The following POP1 variants were observed in gnomAD, a reference collection of about 807,000 sequenced individuals.
The protein encoded by POP1 is POP1 ribonuclease P/MRP subunit, also known as ribonucleases P/MRP protein subunit POP1.
Under a neutral mutation model 102.2 loss-of-function variants are expected in POP1, and 75 were observed. The observed-to-expected ratio is 0.73, with a 90% CI of 0.61 to 0.89. The LOEUF (loss-of-function observed/expected upper bound fraction) is 0.89, where lower values mean the gene tolerates loss of function less well. POP1 is among the 40% of genes least tolerant of loss of function. The pLI is 0.00. For missense variants in POP1, 1,116 were observed against 1,267.4 expected (o/e 0.88, Z 1.81); for synonymous variants, 436 against 464.1 (o/e 0.94, Z 0.78).
intron 3 of POP1, among the ~76,000 whole-genome samples, chr8:98,128,022 C>T (rs998655490): frequency 3.3e-5 from 5 of 152,138 alleles, no homozygotes; most frequent in African/African-American, 1.2e-4. Context: ...TTTGTCTTAG[C>T]CCCCGTGCCC....
intron 15 of POP1, among the ~76,000 whole-genome samples, chr8:98,157,119 C>T (rs991317170): frequency 1.3e-5 from 2 of 152,016 alleles, no homozygotes; most frequent in South Asian, 2.1e-4. Flanking sequence ...TCAGGTGACC[C>T]GCCCACCTCA....
rs886902307 is a variant in POP1 at position 98,159,213 on chromosome 8, A to G, written c.*942A>G. ...TATTTTCTAAATACTTGTGATTCCT[A>G]AAGTTCTCTTACAAGGAGCCCTTTG... On this transcript the variant is annotated 3_prime_UTR_variant, in exon 16 of 16. Coordinates refer to ENST00000401707, the MANE Select transcript of POP1 (RefSeq NM_001145860.2). 5 of 152,228 alleles carry G rather than the reference A, an allele frequency of 3.3e-5. No homozygotes were observed. Among genetic ancestry groups the G allele is most frequent in the Non-Finnish European group, 7.3e-5 (5 of 68,052 alleles). 9.4% of individuals were successfully genotyped at this position (152,228 alleles called of 1,614,324 possible).
At chr8:98,119,469 A>T (rs1815949855) in intron 1 of POP1, among the ~76,000 whole-genome samples, 1 of 152,214 alleles carries the variant, frequency 6.6e-6, no homozygotes, top group Non-Finnish European at 1.5e-5. Context: ...TATCCATTTT[A>T]TTTGAAGATT....
Position 98,156,241 on chromosome 8 carries a change from A to C in POP1, c.2249A>C (p.Lys750Thr). ...GAGGTGCCTTGTGCTCCCATGCCTAAAAAAACTCATCAGCCATCTGATGAA... is the reference window on the plus strand; with the variant it reads ...GAGGTGCCTTGTGCTCCCATGCCTACAAAAACTCATCAGCCATCTGATGAA... ...RSEVPCAPMPKKTHQPSDEVG... is the reference protein window; with the variant it reads ...RSEVPCAPMPTKTHQPSDEVG... Residue 750 changes from lysine (K) to threonine (T), a missense_variant, in exon 15 of 16, where the codon AAA (lysine) becomes ACA (threonine). Physicochemically the swap from Lys to Thr is moderately conservative, Grantham distance 78. Transcript: ENST00000401707. 2 of 1,614,014 alleles carry C rather than the reference A, an allele frequency of 1.2e-6. No homozygotes were observed. The highest frequency in any genetic ancestry group is 1.7e-6 in the Non-Finnish European group (2 of 1,179,994).
In POP1 at chr8:98,140,048, G is replaced by A. The variant is rs201091892; in HGVS notation, c.1363-30G>A. ...AATTATGAAGGTGGATTCATTGTTCGTCCAGTGAATAGTAGTTGTTATTTT... is the reference window on the plus strand; with the variant it reads ...AATTATGAAGGTGGATTCATTGTTCATCCAGTGAATAGTAGTTGTTATTTT... On this transcript the variant is annotated intron_variant, in intron 9 of 15. Transcript: ENST00000401707. 3.9e-4 allele frequency: 606 copies of A among 1,536,514 alleles called. 2 individuals carry two copies. In the African/African-American group the frequency reaches 7.4e-3, roughly 19 times the overall value.
chr8:98,153,787 C>T (rs979137706), intron 14 of POP1, among the ~76,000 whole-genome samples: 3 of 152,250 alleles, frequency 2.0e-5, no homozygotes, highest in Non-Finnish European at 2.9e-5. Context: ...CTGCCTGTCT[C>T]GGCCTCCCAA....
At chr8:98,149,096 C>A in intron 13 of POP1, 90 bp downstream of exon 13, 1 of 1,271,632 alleles carries the variant, frequency 7.9e-7, no homozygotes. Flanking sequence ...ACTTTATGTA[C>A]AACTTAGGAG....
intron 14 of POP1, among the ~76,000 whole-genome samples, chr8:98,152,591 ATAT>A (rs144991236): frequency 0.044 from 6,661 of 152,298 alleles, 189 homozygotes; most frequent in Middle Eastern, 0.17. Flanking sequence ...GTGTCGTGAA[ATAT>A]TATTCTTTTG....
chr8:98,125,549 C>CT (rs749890251), intron 2 of POP1, among the ~76,000 whole-genome samples: 34 of 149,016 alleles, frequency 2.3e-4, no homozygotes, highest in Non-Finnish European at 4.3e-4. Context: ...GAAATGTTGC[C>CT]TTTTTTTTGG....
chr8:98,156,263 T>A lies in POP1; in HGVS notation c.2271T>A (p.Asp757Glu), dbSNP rs1809644674. 2 of 1,614,058 alleles carry A rather than the reference T, an allele frequency of 1.2e-6. No homozygotes were observed. Among genetic ancestry groups the A allele is most frequent in the South Asian group, 1.1e-5 (1 of 91,066 alleles). The change falls in exon 15 of 16, where the codon GAT (aspartate) becomes GAA (glutamate). Residue 757 changes from aspartate to glutamate, a missense_variant. Asp to Glu is a conservative substitution (Grantham distance 45). Transcript: ENST00000401707. ...CTAAAAAAACTCATCAGCCATCTGA[T>A]GAAGTGGGCACATCCATAGAGCACC... ...PMPKKTHQPS[D>E]EVGTSIEHPR...
At chr8:98,123,605 C>G (rs183834009) in intron 2 of POP1, 126 bp downstream of exon 2, 6 of 763,052 alleles carry the variant, frequency 7.9e-6, no homozygotes, top group South Asian at 1.5e-5. Context: ...GGTGAAACCC[C>G]GTCTCTACTA....
rs1304315989 is a variant in POP1, at chr8:98,159,052, A to G, written c.*781A>G. Reference sequence around the variant, plus strand: ...TATGATATGTGTCACCTAAAAAAGTAAGAGATTCCAAGGTCAGGTTGATAT... The same window carrying G: ...TATGATATGTGTCACCTAAAAAAGTGAGAGATTCCAAGGTCAGGTTGATAT... On this transcript the variant is annotated 3_prime_UTR_variant, in exon 16 of 16. Coordinates refer to ENST00000401707, the MANE Select transcript of POP1 (RefSeq NM_001145860.2). 1 of 152,192 alleles carries G rather than the reference A, an allele frequency of 6.6e-6. No individual in the cohort carries two copies. The highest frequency in any genetic ancestry group is 1.9e-4 in the East Asian group (1 of 5,202). 9.4% of individuals were successfully genotyped at this position (152,192 alleles called of 1,614,324 possible). A position where few individuals can be genotyped will look rare whatever the true frequency, so the allele number is the denominator to read the frequency against.
chr8:98,153,362 C>T (rs983849191), intron 14 of POP1, among the ~76,000 whole-genome samples: 1 of 151,854 alleles, frequency 6.6e-6, no homozygotes, highest in Non-Finnish European at 1.5e-5. Flanking sequence ...AGAGCGAAGT[C>T]CTTGGACAAG....
At chr8:98,129,198 A>G (rs934378169) in intron 4 of POP1, among the ~76,000 whole-genome samples, 2 of 152,176 alleles carry the variant, frequency 1.3e-5, no homozygotes, top group Non-Finnish European at 2.9e-5. Flanking sequence ...TGGGGTAGGA[A>G]GGTTAAAAAA....
At chr8:98,128,620 T>C (rs1202253915) in intron 4 of POP1, 80 bp downstream of exon 4, 1 of 1,517,452 alleles carries the variant, frequency 6.6e-7, no homozygotes, top group Non-Finnish European at 9.0e-7. Context: ...ATAGAATTTA[T>C]TAAAAATGAA....
chr8:98,140,725 A>G, intron 10 of POP1, 44 bp from the exon 11 acceptor site: 1 of 1,595,034 alleles, frequency 6.3e-7, no homozygotes, highest in Non-Finnish European at 8.6e-7. Context: ...ATACAGATGT[A>G]TTATGAATGA....
chr8:98,147,860 T>C lies in POP1; in HGVS notation c.1711-955T>C, dbSNP rs143856215. Among the ~76,000 whole-genome samples, 629 of 152,338 alleles carry C rather than the reference T, an allele frequency of 4.1e-3. 5 individuals carry two copies. The highest frequency in any genetic ancestry group is 0.014 in the African/African-American group (601 of 41,584). On this transcript the variant is annotated intron_variant, in intron 12 of 15. Transcript: ENST00000401707. ...CAGCTAAAAGAGAGCCAGAACCATG[T>C]CTTACTTGCTCACTGATGTATTTCC... is the stretch of plus-strand genomic sequence containing the variant.
chr8:98,128,100 C>A (rs879747576), intron 3 of POP1, among the ~76,000 whole-genome samples: 1 of 152,204 alleles, frequency 6.6e-6, no homozygotes, highest in Non-Finnish European at 1.5e-5. Flanking sequence ...TGAGTACACA[C>A]AAATGGCAAC....
rs190817042 is a variant in POP1 at position 98,150,670 on chromosome 8, G to A, written c.2057+31G>A. ...AAACTGGCTTCTCTAATTTGATAAT[G>A]TATTAAGGAAAAGAGAAGTGCCTGC... On this transcript the variant is annotated intron_variant, in intron 14 of 15. Transcript: ENST00000401707. 3.4e-5 allele frequency: 54 copies of A among 1,606,690 alleles called. No individual in the cohort carries two copies. The East Asian group carries it at 1.2e-3, about 35-fold the overall frequency.
Sources: allele counts gnomAD v4.1 joint callset (sites outside exome capture counted in the v4.1 genomes callset), GRCh38; gene constraint gnomAD v4.1.1; transcripts MANE v1.5; gene names NCBI Gene and HGNC (gene_info 2026-07-23, HGNC 2026-07-21).